Variants in PIK3R1 observed in about 807,000 individuals in gnomAD.
PIK3R1 encodes the protein phosphoinositide-3-kinase regulatory subunit 1, also known as phosphatidylinositol 3-kinase regulatory subunit alpha.
Under a neutral mutation model 98.0 loss-of-function variants are expected in PIK3R1, and 29 were observed. The ratio of observed to expected loss-of-function variants is 0.30; its 90% CI spans 0.22 to 0.40. PIK3R1 has a LOEUF of 0.40. Among genes scored for constraint, PIK3R1 ranks in the 10% least tolerant of loss-of-function variants. The probability of loss-of-function intolerance (pLI) is 1.00; values close to 1 mark genes in which losing one functional copy is unlikely to be tolerated. For missense variants in PIK3R1, 596 were observed against 872.7 expected (o/e 0.68, Z 3.99); for synonymous variants, 282 against 311.8 (o/e 0.90, Z 1.01).
Position 68,298,983 on chromosome 5 carries a change from T to G in PIK3R1, c.*1382T>G, listed in dbSNP as rs1213740204. The G allele has an allele frequency of 8.6e-6, 2 of 233,444 alleles. No individual in the cohort carries two copies. The highest frequency in any genetic ancestry group is 4.4e-5 in the African/African-American group (2 of 45,330). 14.5% of individuals were successfully genotyped at this position (233,444 alleles called of 1,614,324 possible). A position where few individuals can be genotyped will look rare whatever the true frequency, so the allele number is the denominator to read the frequency against. On this transcript the variant is annotated 3_prime_UTR_variant, in exon 16 of 16. Transcript: ENST00000521381. ...TGAATAACTGCAAAGTGAAGTTGCT[T>G]CTTCTACTTCAGTCTTCTCTCACTT...
At position 68,277,115 on chromosome 5, in the gene PIK3R1, A is replaced by T. The variant is rs577217944; in HGVS notation, c.503-2487A>T. 5.9e-5 allele frequency among the ~76,000 whole-genome samples: 9 copies of T among 152,318 alleles called. No individual in the cohort carries two copies. The South Asian group carries it at 1.7e-3, about 28-fold the overall frequency. On this transcript the variant is annotated intron_variant, in intron 4 of 15. Transcript: ENST00000521381. ...ATACTGCATCACCAAATGTTTTATC[A>T]CATATTTTAGGATAAGCAAATTCGG...
chr5:68,281,118 T>C (rs982319343), intron 7 of PIK3R1, 112 bp downstream of exon 7: 3 of 678,274 alleles, frequency 4.4e-6, no homozygotes, highest in African/African-American at 1.8e-5. Context: ...GAATTACAGT[T>C]GGTAGTAATA....
chr5:68,290,686 T>C (rs759263110), intron 7 of PIK3R1: 4 of 1,583,214 alleles, frequency 2.5e-6, no homozygotes, highest in Non-Finnish European at 2.6e-6. Context: ...AAAGCCGGAC[T>C]CTTTTCTTAT....
chr5:68,267,317 G>A (rs1181857542), intron 2 of PIK3R1, among the ~76,000 whole-genome samples: 9 of 152,122 alleles, frequency 5.9e-5, no homozygotes, highest in Non-Finnish European at 1.3e-4. Flanking sequence ...GTCTGCTTAG[G>A]TTTAATAAGA....
chr5:68,218,912 T>C (rs1163555852), intron 1 of PIK3R1, among the ~76,000 whole-genome samples: 2 of 152,264 alleles, frequency 1.3e-5, no homozygotes, highest in South Asian at 2.1e-4. Context: ...TAGGTTTTAA[T>C]TAATTTTCAA....
intron 1 of PIK3R1, 82 bp from the exon 2 acceptor site, chr5:68,226,208 G>T: frequency 2.6e-6 from 1 of 388,128 alleles, no homozygotes; most frequent in Non-Finnish European, 4.6e-6. Context: ...TTAAGTACTT[G>T]TTGAATGGAA....
intron 1 of PIK3R1, among the ~76,000 whole-genome samples, chr5:68,217,162 G>C (rs899495173): frequency 1.3e-5 from 2 of 152,110 alleles, no homozygotes; most frequent in African/African-American, 4.8e-5. Flanking sequence ...TCCGGGTTTT[G>C]AATGCAACAT....
chr5:68,273,205 T>C (rs1052502367), intron 2 of PIK3R1, among the ~76,000 whole-genome samples, 185 bp from the exon 3 acceptor site: 8 of 152,192 alleles, frequency 5.3e-5, no homozygotes, highest in African/African-American at 1.7e-4. Context: ...GGAGCATTAC[T>C]CTGAGTAGAC....
At chr5:68,287,904 G>A (rs991302576) in intron 7 of PIK3R1, among the ~76,000 whole-genome samples, 4 of 152,098 alleles carry the variant, frequency 2.6e-5, no homozygotes, top group African/African-American at 9.7e-5. Context: ...ACTTACTATT[G>A]AACATTTTTG....
chr5:68,289,752 G>A (rs1747276521), intron 7 of PIK3R1, among the ~76,000 whole-genome samples: 1 of 79,230 alleles, frequency 1.3e-5, no homozygotes, highest in South Asian at 4.2e-4. Flanking sequence ...AGATAGAGGG[G>A]GAAAAGCAAA....
intron 4 of PIK3R1, 67 bp from the exon 5 acceptor site, chr5:68,279,535 G>A: frequency 7.8e-7 from 1 of 1,277,582 alleles, no homozygotes; most frequent in Non-Finnish European, 1.1e-6. Flanking sequence ...AAATTGTTCA[G>A]AAAATTAGCC....
chr5:68,216,517 C>T (rs1432203780), intron 1 of PIK3R1, among the ~76,000 whole-genome samples: 1 of 152,218 alleles, frequency 6.6e-6, no homozygotes, highest in African/African-American at 2.4e-5. Flanking sequence ...TGCCGCCCTC[C>T]TCTTCCGGGG....
rs762818071 is a variant in PIK3R1 at position 68,297,594 on chromosome 5, G to A, written c.2168G>A (p.Arg723Lys). The change falls in exon 16 of 16, where the codon AGG becomes AAG. Residue 723 changes from arginine to lysine, a missense_variant. By Grantham distance (26) the Arg-to-Lys change is conservative. Around this residue, in one of 3 missense-constraint regions of PIK3R1, gnomAD observed 207 missense variants for 361.4 expected, o/e 0.57. Coordinates refer to ENST00000521381, the MANE Select transcript of PIK3R1 (RefSeq NM_181523.3). ...TLAYPVYAQQ[R>K]R ...GCCTACCCAGTATATGCACAGCAGA[G>A]GCGATGAAGCGCTTACTCTTTGATC... 17 of 1,613,378 alleles carry A rather than the reference G, an allele frequency of 1.1e-5. No homozygotes were observed. The highest frequency in any genetic ancestry group is 1.3e-5 in the African/African-American group (1 of 74,888).
At chr5:68,269,458 G>A (rs1746258679) in intron 2 of PIK3R1, among the ~76,000 whole-genome samples, 1 of 152,104 alleles carries the variant, frequency 6.6e-6, no homozygotes, top group African/African-American at 2.4e-5. Flanking sequence ...CTATATAATT[G>A]ATAATATTTG....
intron 7 of PIK3R1, chr5:68,288,744 C>G (rs757594158): frequency 6.2e-7 from 1 of 1,613,572 alleles, no homozygotes; most frequent in Non-Finnish European, 8.5e-7. Context: ...AAATGCATAA[C>G]CTGCAAAGTA....
At chr5:68,251,096 A>G (rs946929559) in intron 2 of PIK3R1, among the ~76,000 whole-genome samples, 3 of 152,180 alleles carry the variant, frequency 2.0e-5, no homozygotes, top group African/African-American at 7.2e-5. Flanking sequence ...TCAGCACACA[A>G]TGGGTTACTG....
intron 2 of PIK3R1, among the ~76,000 whole-genome samples, chr5:68,232,526 TC>T (rs1744521566): frequency 6.6e-6 from 1 of 152,156 alleles, no homozygotes; most frequent in African/African-American, 2.4e-5. Context: ...TCTCCCTCCT[TC>T]CCTCAGTCTG....
chr5:68,223,306 T>C (rs1697432487), intron 1 of PIK3R1, among the ~76,000 whole-genome samples: 1 of 151,584 alleles, frequency 6.6e-6, no homozygotes, highest in Non-Finnish European at 1.5e-5. Context: ...TCTGTCTAGC[T>C]AAGGGCTCTC....
At chr5:68,250,303 A>G (rs992756858) in intron 2 of PIK3R1, among the ~76,000 whole-genome samples, 4 of 152,200 alleles carry the variant, frequency 2.6e-5, no homozygotes, top group African/African-American at 9.6e-5. Flanking sequence ...CAGCATGGGA[A>G]GGCAGTGGAA....
Sources: allele counts gnomAD v4.1 joint callset (sites outside exome capture counted in the v4.1 genomes callset), GRCh38; gene constraint gnomAD v4.1.1; regional missense constraint gnomAD v4.1.1; transcripts MANE v1.5; gene names NCBI Gene and HGNC (gene_info 2026-07-23, HGNC 2026-07-21).